MOK: variants seen among roughly 807,000 people sequenced by gnomAD.
The protein encoded by MOK is MAPK/MAK/MRK overlapping kinase.
MOK carries 59 observed loss-of-function variants against 54.2 expected under a neutral mutation model. That is an observed-to-expected ratio of 1.09 (90% CI 0.88 to 1.35). MOK has a LOEUF of 1.35. MOK is among the 40% of genes most tolerant of loss of function. The probability of loss-of-function intolerance (pLI) is 0.00; values close to 1 mark genes in which losing one functional copy is unlikely to be tolerated. For synonymous variants in MOK, 210 were observed against 202.7 expected, an observed-to-expected ratio of 1.04 and a Z score of -0.31; for missense variants, 517 against 526.2, an observed-to-expected ratio of 0.98 and a Z score of 0.17.
chr14:102,251,754 A>G lies in MOK; in HGVS notation c.411+2T>C. Reference sequence around the variant, plus strand: ...ACCCAGCTTTCATGTAAAAGCTCTTACCTTTATTAGTATATTTTCTGGTTT... The same window carrying G: ...ACCCAGCTTTCATGTAAAAGCTCTTGCCTTTATTAGTATATTTTCTGGTTT... On this transcript the variant is annotated splice_donor_variant, in intron 6 of 11. Transcript: ENST00000361847. LOFTEE classifies it high-confidence loss of function. 6.4e-7 allele frequency: 1 copy of G among 1,566,144 alleles called. No individual in the cohort carries two copies. The highest frequency in any genetic ancestry group is 8.8e-7 in the Non-Finnish European group (1 of 1,138,644).
intron 7 of MOK, among the ~76,000 whole-genome samples, chr14:102,244,504 C>T (rs1048607337): frequency 5.3e-5 from 8 of 152,228 alleles, no homozygotes; most frequent in Admixed American, 3.9e-4. Flanking sequence ...GAAATCACTT[C>T]TCAGTGTTCC....
chr14:102,262,178 C>T (rs1008798053), intron 4 of MOK, among the ~76,000 whole-genome samples: 3 of 152,100 alleles, frequency 2.0e-5, no homozygotes, highest in African/African-American at 7.2e-5. Context: ...CAGAGTCTCG[C>T]TCTGTCGCCC....
rs1555436882 is a variant in MOK at position 102,300,346 on chromosome 14, A to AG, written c.7+4615dup. ...CTCAAAAAAAAAAAAAAAAAAAAAA[A>AG]GCCTGGGCTGGGCAACACAGCAAAA... On this transcript the variant is annotated intron_variant, in intron 1 of 11. Transcript: ENST00000361847. 3.4e-5 allele frequency among the ~76,000 whole-genome samples: 5 copies of AG among 148,218 alleles called. No homozygotes were observed. In the East Asian group the frequency reaches 6.0e-4, roughly 18 times the overall value.
intron 4 of MOK, among the ~76,000 whole-genome samples, chr14:102,262,303 GC>G (rs2067545717): frequency 6.6e-6 from 1 of 152,162 alleles, no homozygotes; most frequent in African/African-American, 2.4e-5. Flanking sequence ...ACACCACCAT[GC>G]CCGGCTAATT....
rs192254510 is a variant in MOK at position 102,296,232 on chromosome 14, T to G, written c.7+8730A>C. ...CTGCACTCCAGCCTGGGCAACAGAC[T>G]GAGAGTACGTCTCAAAAAAAAAAAA... On this transcript the variant is annotated intron_variant, in intron 1 of 11. Transcript: ENST00000361847. Among the ~76,000 whole-genome samples the G allele has an allele frequency of 2.3e-3, 300 of 132,046 alleles. 1 individual carries two copies. The highest frequency in any genetic ancestry group is 0.014 in the Middle Eastern group (3 of 214). The allele number at this position is 132,046 out of a possible 152,430, so 86.6% of individuals were successfully genotyped here.
At chr14:102,275,516 A>C (rs967986724) in intron 2 of MOK, among the ~76,000 whole-genome samples, 1 of 150,140 alleles carries the variant, frequency 6.7e-6, no homozygotes, top group Non-Finnish European at 1.5e-5. Context: ...GTGAGCAGAG[A>C]TAGCGCCACT....
At chr14:102,250,355 G>C (rs58327231) in intron 7 of MOK, among the ~76,000 whole-genome samples, 65 of 152,158 alleles carry the variant, frequency 4.3e-4, no homozygotes, top group South Asian at 8.3e-4. Context: ...CAAAGGCTGG[G>C]GGGGAGTGGG....
At chr14:102,234,799 C>T (rs545070027) in intron 7 of MOK, among the ~76,000 whole-genome samples, 2 of 152,294 alleles carry the variant, frequency 1.3e-5, no homozygotes, top group South Asian at 4.2e-4. Flanking sequence ...CTTTCGATTC[C>T]GACATGCTCA....
chr14:102,261,376 G>T (rs1329881043), intron 4 of MOK, among the ~76,000 whole-genome samples: 1 of 80,016 alleles, frequency 1.2e-5, no homozygotes, highest in Non-Finnish European at 2.2e-5. Context: ...CTGAGATCGC[G>T]CCACGTCTCA....
chr14:102,278,062 C>T (rs1024200990), intron 2 of MOK, among the ~76,000 whole-genome samples: 1 of 152,126 alleles, frequency 6.6e-6, no homozygotes. Flanking sequence ...CTCTCTCTCT[C>T]TGCTATCTGT....
rs2065246814 is a variant in MOK, at chr14:102,236,674, G to A, written c.591-2885C>T. ...CCACCTCTTTTGTAAACCCAACAGG[G>A]TGGGACACCACCACCCCTTCCCTAG... On this transcript the variant is annotated intron_variant, in intron 7 of 11. Transcript: ENST00000361847. The surrounding 1 kb of genome is among the most constrained non-coding windows in gnomAD (Gnocchi z 4.5). Among the ~76,000 whole-genome samples the A allele has an allele frequency of 7.2e-6, 1 of 138,478 alleles. No homozygotes were observed. The highest frequency in any genetic ancestry group is 1.5e-5 in the Non-Finnish European group (1 of 64,930). 90.8% of individuals were successfully genotyped at this position (138,478 alleles called of 152,430 possible).
chr14:102,252,850 C>T (rs748888524), intron 4 of MOK, among the ~76,000 whole-genome samples: 4 of 152,174 alleles, frequency 2.6e-5, no homozygotes, highest in South Asian at 2.1e-4. Context: ...GACATGTCCA[C>T]GGCTATTTCA....
the MOK span, chr14:102,214,731 GACA>G: frequency 1.0e-6 from 1 of 980,570 alleles, no homozygotes; most frequent in Non-Finnish European, 1.2e-6. Context: ...CCAATTTCTT[GACA>G]ACTTGAATAA....
chr14:102,281,608 G>GTT (rs398118590), intron 2 of MOK, among the ~76,000 whole-genome samples: 1 of 78,442 alleles, frequency 1.3e-5, no homozygotes, highest in Non-Finnish European at 2.4e-5. Flanking sequence ...GTTTTTTTGT[G>GTT]TTTTTTTTTT....
intron 1 of MOK, among the ~76,000 whole-genome samples, chr14:102,292,616 G>A (rs1030266443): frequency 6.6e-6 from 1 of 151,990 alleles, no homozygotes; most frequent in African/African-American, 2.4e-5. Flanking sequence ...TCTTCCTTCT[G>A]TGTGCACCTT....
rs1389612408 is a variant in MOK at position 102,238,542 on chromosome 14, A to G, written c.591-4753T>C. 2.0e-5 allele frequency: 3 copies of G among 152,254 alleles called. No individual in the cohort carries two copies. The highest frequency in any genetic ancestry group is 4.4e-5 in the Non-Finnish European group (3 of 68,144). 9.4% of individuals were successfully genotyped at this position (152,254 alleles called of 1,614,324 possible). The stretch of plus-strand genomic sequence containing the variant: ...CAACAGAAAGACCAATGGGGCAGCA[A>G]AAGAAGCCTCCCTTTCTTCCGCTCC... On this transcript the variant is annotated intron_variant, in intron 7 of 11. Coordinates refer to ENST00000361847, the MANE Select transcript of MOK (RefSeq NM_014226.3). The surrounding 1 kb of genome is among the most constrained non-coding windows in gnomAD (Gnocchi z 4.8).
chr14:102,226,587 GCCC>G (rs1462339754), downstream of MOK, among the ~76,000 whole-genome samples: 3 of 152,100 alleles, frequency 2.0e-5, no homozygotes, highest in African/African-American at 7.2e-5. The surrounding 1 kb of genome is among the most constrained non-coding windows in gnomAD (Gnocchi z 4.8). Context: ...CTCAGCCCTG[GCCC>G]CCATCACAGG....
chr14:102,215,329 C>T, the MOK span, among the ~76,000 whole-genome samples: 3 of 152,296 alleles, frequency 2.0e-5, no homozygotes, highest in African/African-American at 4.8e-5. Flanking sequence ...ATTCTGAAGT[C>T]GTCCTGGGCC....
intron 3 of MOK, among the ~76,000 whole-genome samples, chr14:102,265,247 C>T (rs1388345037): frequency 6.6e-6 from 1 of 152,178 alleles, no homozygotes; most frequent in Non-Finnish European, 1.5e-5. Context: ...ACCTTAGCAG[C>T]CTAACTGAGC....
Sources: allele counts gnomAD v4.1 joint callset (sites outside exome capture counted in the v4.1 genomes callset), GRCh38; gene constraint gnomAD v4.1.1; non-coding constraint Gnocchi (gnomAD v3.1); transcripts MANE v1.5; gene names NCBI Gene and HGNC (gene_info 2026-07-23, HGNC 2026-07-21).